The following HDAC7 variants were observed in gnomAD, a reference collection of about 807,000 sequenced individuals.
HDAC7 encodes histone deacetylase 7, also known as histone deacetylase 7A.
In HDAC7, 26 loss-of-function variants were observed where a neutral mutation model predicts 115.5. The ratio of observed to expected loss-of-function variants is 0.23; its 90% CI spans 0.16 to 0.31. The LOEUF is 0.31. Among genes scored for constraint, HDAC7 ranks in the 10% least tolerant of loss-of-function variants. The probability of loss-of-function intolerance (pLI) is 1.00; values close to 1 mark genes in which losing one functional copy is unlikely to be tolerated. For synonymous variants in HDAC7, 564 were observed against 550.9 expected, an observed-to-expected ratio of 1.02 and a Z score of -0.33; for missense variants, 1,068 against 1,329.0, an observed-to-expected ratio of 0.80 and a Z score of 3.05.
chr12:47,807,070 G>T (rs1286372817), intron 1 of HDAC7, among the ~76,000 whole-genome samples: 1 of 152,054 alleles, frequency 6.6e-6, no homozygotes, highest in African/African-American at 2.4e-5. Flanking sequence ...CTCCCAAGTA[G>T]CTGGGACTAC....
At chr12:47,814,671 C>A (rs1018800754) in intron 1 of HDAC7, among the ~76,000 whole-genome samples, 3 of 152,224 alleles carry the variant, frequency 2.0e-5, no homozygotes, top group Non-Finnish European at 4.4e-5. Flanking sequence ...CTGCCATCTT[C>A]CATGCCAAGT....
chr12:47,801,516 G>C (rs1161130969), intron 2 of HDAC7, among the ~76,000 whole-genome samples: 3 of 152,062 alleles, frequency 2.0e-5, no homozygotes, highest in Non-Finnish European at 4.4e-5. Flanking sequence ...TCCCTAACCT[G>C]CCTGTTAGCT....
chr12:47,785,518 G>A (rs758002336), intron 23 of HDAC7, 47 bp from the exon 24 acceptor site: 13 of 1,554,550 alleles, frequency 8.4e-6, no homozygotes, highest in African/African-American at 1.4e-5. Context: ...GGACCCACAG[G>A]CCCAGCTCAC....
intron 1 of HDAC7, among the ~76,000 whole-genome samples, chr12:47,815,206 T>C (rs971692428): frequency 6.6e-6 from 1 of 152,070 alleles, no homozygotes; most frequent in Non-Finnish European, 1.5e-5. Context: ...GGCAGCAGAA[T>C]GTAGCAAGAA....
At chr12:47,792,231 C>A (rs1943570978) in intron 13 of HDAC7, 5 of 567,844 alleles carry the variant, frequency 8.8e-6, no homozygotes, top group Non-Finnish European at 1.2e-5. Flanking sequence ...CAGCAGCCAA[C>A]ACATCAACAC....
intron 1 of HDAC7, 30 bp from the exon 2 acceptor site, chr12:47,802,304 T>C: frequency 6.2e-7 from 1 of 1,609,340 alleles, no homozygotes; most frequent in Non-Finnish European, 8.5e-7. Flanking sequence ...GTGAAAGAGC[T>C]GCAGGGAGGG....
chr12:47,791,182 G>A (rs1199275961), intron 16 of HDAC7, 77 bp downstream of exon 16: 3 of 1,348,500 alleles, frequency 2.2e-6, no homozygotes, highest in Admixed American at 2.0e-5. Flanking sequence ...TTCTGCAGGG[G>A]CTGGGCCTGG....
chr12:47,804,531 A>C (rs2137022305), intron 1 of HDAC7, among the ~76,000 whole-genome samples: 1 of 152,090 alleles, frequency 6.6e-6, no homozygotes, highest in East Asian at 1.9e-4. Context: ...CCTGAAAAAA[A>C]AAAAAAAAAG....
In HDAC7 at chr12:47,784,063, A is replaced by G. The variant is rs776854286; in HGVS notation, c.2930+16T>C. 5.6e-6 allele frequency: 9 copies of G among 1,611,484 alleles called. No individual in the cohort carries two copies. The highest frequency in any genetic ancestry group is 7.6e-6 in the Non-Finnish European group (9 of 1,178,912). On this transcript the variant is annotated intron_variant, in intron 25 of 25. Transcript: ENST00000080059. ...GTGGAGAGGCTGTGGGCCCAGGGCCAGGGGTCTGGCATTACCTATCTTCAG... is the reference window on the plus strand; with the variant it reads ...GTGGAGAGGCTGTGGGCCCAGGGCCGGGGGTCTGGCATTACCTATCTTCAG...
rs745985484 is a variant in HDAC7, at chr12:47,784,128, C to A, written c.2881G>T (p.Ala961Ser). 2 of 1,613,806 alleles carry A rather than the reference C, an allele frequency of 1.2e-6. No homozygotes were observed. Among genetic ancestry groups the A allele is most frequent in the Non-Finnish European group, 1.7e-6 (2 of 1,179,922 alleles). Reference protein sequence around the residue: ...VPGADKEEVEAVTALASLSVG... With the variant: ...VPGADKEEVESVTALASLSVG... The stretch of plus-strand genomic sequence containing the variant: ...GAGAGGGACGCCAGTGCGGTCACTG[C>A]CTCCACTTCTTCTTTGTCAGCCCCT... The change falls in exon 25 of 26, where the codon GCA (alanine) becomes TCA (serine). Residue 961 changes from alanine to serine, a missense_variant. By Grantham distance (99) the Ala-to-Ser change is moderately conservative. This residue lies in a region of HDAC7 where 98 missense variants were observed against 123.9 expected (regional missense o/e 0.79). Transcript: ENST00000080059.
chr12:47,784,886 T>C, intron 24 of HDAC7: 1 of 942,790 alleles, frequency 1.1e-6, no homozygotes, highest in Non-Finnish European at 1.6e-6. Context: ...GAATCTATTT[T>C]ACTCATTTTT....
intron 1 of HDAC7, among the ~76,000 whole-genome samples, chr12:47,806,163 G>T (rs1944393455): frequency 6.6e-6 from 1 of 152,200 alleles, no homozygotes; most frequent in Non-Finnish European, 1.5e-5. Context: ...GATTTATCCA[G>T]AACCCAGCAG....
rs373121556 is a variant in HDAC7 at position 47,797,855 on chromosome 12, G to GGT, written c.461+251_461+252dup. Among the ~76,000 whole-genome samples, 16,054 of 123,826 alleles carry GGT rather than the reference G, an allele frequency of 0.13. 1,040 individuals carry two copies. Among genetic ancestry groups the GGT allele is most frequent in the Non-Finnish European group, 0.15 (9,073 of 59,926 alleles). 81.2% of individuals were successfully genotyped at this position (123,826 alleles called of 152,430 possible). ...TCATGTGCAAGAAAAAAGCCAGTAG[G>GGT]GTGTGTGTGTGTGTGTGTGTGTGTG... On this transcript the variant is annotated intron_variant, in intron 5 of 25. Transcript: ENST00000080059. The surrounding 1 kb of genome is among the most constrained non-coding windows in gnomAD (Gnocchi z 5.5).
At chr12:47,783,963 CT>C in intron 25 of HDAC7, 77 bp from the exon 26 acceptor site, 1 of 1,605,486 alleles carries the variant, frequency 6.2e-7, no homozygotes, top group Middle Eastern at 1.7e-4. Flanking sequence ...CCTCTCAACC[CT>C]GGTCAGGAAG....
chr12:47,783,894 G>T lies in HDAC7; in HGVS notation c.2931-8C>A. 6.2e-7 allele frequency: 1 copy of T among 1,613,050 alleles called. No individual in the cohort carries two copies. Among genetic ancestry groups the T allele is most frequent in the Non-Finnish European group, 8.5e-7 (1 of 1,179,742 alleles). ...ACCAGCTGCTCCGAGGGCCTGTGGGGAGGGACAAGGGTGGGATGCTGGAGC... is the reference window on the plus strand; with the variant it reads ...ACCAGCTGCTCCGAGGGCCTGTGGGTAGGGACAAGGGTGGGATGCTGGAGC... On this transcript the variant is annotated splice_region_variant and splice_polypyrimidine_tract_variant and intron_variant, in intron 25 of 25. Transcript: ENST00000080059.
At chr12:47,816,545 G>C (rs1245390172) in intron 1 of HDAC7, among the ~76,000 whole-genome samples, 1 of 152,132 alleles carries the variant, frequency 6.6e-6, no homozygotes, top group South Asian at 2.1e-4. Context: ...TACACACACA[G>C]ATACCCACCA....
At chr12:47,819,262 T>C (rs997339600) in intron 1 of HDAC7, 2 of 152,482 alleles carry the variant, frequency 1.3e-5, no homozygotes, top group African/African-American at 4.8e-5. Flanking sequence ...CTCCACGGGA[T>C]GGGGGCGCTG....
rs1423902113 is a variant in HDAC7, at chr12:47,798,718, T to G, written c.259-66A>C. The G allele has an allele frequency of 6.4e-7, 1 of 1,566,920 alleles. No individual in the cohort carries two copies. Among genetic ancestry groups the G allele is most frequent in the African/African-American group, 1.4e-5 (1 of 73,754 alleles). On this transcript the variant is annotated intron_variant, in intron 3 of 25. Transcript: ENST00000080059. The surrounding 1 kb of genome is among the most constrained non-coding windows in gnomAD (Gnocchi z 4.3). ...GAGGACTGAGACTGGTGTCTAGGGA[T>G]GCTGAAGGCGGGGAGGCTGGGGACC... is the stretch of plus-strand genomic sequence containing the variant.
At position 47,789,331 on chromosome 12, in the gene HDAC7, T is replaced by A; in HGVS notation, c.2165A>T (p.Asn722Ile). The A allele has an allele frequency of 6.2e-7, 1 of 1,613,840 alleles. No individual in the cohort carries two copies. Among genetic ancestry groups the A allele is most frequent in the Non-Finnish European group, 8.5e-7 (1 of 1,179,952 alleles). ...CTGCCGGCAGGCGATGGCCACTGAG[T>A]TGAAGAAGCAGAAGCCCCTGGAAGG... ...HSTAMGFCFF[N>I]SVAIACRQLQ... The change falls in exon 19 of 26, where the codon AAC becomes ATC. Residue 722 changes from asparagine to isoleucine, a missense_variant. Physicochemically the swap from Asn to Ile is moderately radical, Grantham distance 149. This residue lies in a region of HDAC7 where 182 missense variants were observed against 301.1 expected (regional missense o/e 0.60). Transcript: ENST00000080059.
Sources: gnomAD v4.1 joint callset for allele counts (sites outside exome capture counted in the v4.1 genomes callset) on GRCh38, gnomAD v4.1.1 for gene constraint, gnomAD v4.1.1 regional missense constraint, Gnocchi (gnomAD v3.1) non-coding constraint, MANE v1.5 for transcripts, NCBI Gene and HGNC (gene_info 2026-07-23, HGNC 2026-07-21) for gene names.